TOP2B: variants seen among roughly 807,000 people sequenced by gnomAD.
The protein encoded by TOP2B is DNA topoisomerase 2-beta.
TOP2B carries 51 observed loss-of-function variants against 193.5 expected under a neutral mutation model. That is an observed-to-expected ratio of 0.26 (90% CI 0.21 to 0.33). The LOEUF (loss-of-function observed/expected upper bound fraction) is 0.33, where lower values mean the gene tolerates loss of function less well. Ranked by LOEUF, TOP2B falls within the 10% of genes least tolerant of loss-of-function variation. The probability of loss-of-function intolerance (pLI) is 1.00; values close to 1 mark genes in which losing one functional copy is unlikely to be tolerated. For synonymous variants in TOP2B, 634 were observed against 635.7 expected (o/e 1.00, Z 0.04); for missense variants, 1,378 against 1,909.3 (o/e 0.72, Z 5.19).
At chr3:25,652,271 ACAGAAGAT>A (rs1703613882) in intron 1 of TOP2B, among the ~76,000 whole-genome samples, 1 of 152,216 alleles carries the variant, frequency 6.6e-6, no homozygotes, top group South Asian at 2.1e-4. Flanking sequence ...GAACAACCAC[ACAGAAGAT>A]CAATAAAGAC....
chr3:25,654,980 T>G (rs561957714), intron 1 of TOP2B, among the ~76,000 whole-genome samples: 2 of 152,238 alleles, frequency 1.3e-5, no homozygotes, highest in South Asian at 4.1e-4. Context: ...GGAAAACCTT[T>G]GAGACACTGG....
In TOP2B at chr3:25,628,166, T is replaced by G. The variant is rs373471838; in HGVS notation, c.1906+681A>C. 6.8e-3 allele frequency among the ~76,000 whole-genome samples: 966 copies of G among 142,352 alleles called. 14 individuals are homozygous for G. Among genetic ancestry groups the G allele is most frequent in the African/African-American group, 0.022 (859 of 38,320 alleles). 93.4% of individuals were successfully genotyped at this position (142,352 alleles called of 152,430 possible). A position where few individuals can be genotyped will look rare whatever the true frequency, so the allele number is the denominator to read the frequency against. On this transcript the variant is annotated intron_variant, in intron 15 of 35. Coordinates refer to ENST00000264331, the MANE Select transcript of TOP2B (RefSeq NM_001330700.2). ...TTTAACACTGGCTGGGTATTTAACA[T>G]TATTTAAAAAAAAAAAAAAAAAAAG...
In TOP2B at chr3:25,641,823, C is replaced by T. The variant is rs1474216812; in HGVS notation, c.395+499G>A. Among the ~76,000 whole-genome samples, 4 of 152,018 alleles carry T rather than the reference C, an allele frequency of 2.6e-5. No homozygotes were observed. In the East Asian group the frequency reaches 7.7e-4, roughly 29 times the overall value. ...CAGGATAAATTTAACAGCTATGTTTCTGATTTAATGCTACTATTTTTTATA... is the reference window on the plus strand; with the variant it reads ...CAGGATAAATTTAACAGCTATGTTTTTGATTTAATGCTACTATTTTTTATA... On this transcript the variant is annotated intron_variant, in intron 4 of 35. Coordinates refer to ENST00000264331, the MANE Select transcript of TOP2B (RefSeq NM_001330700.2).
chr3:25,650,824 T>C (rs1305902895), intron 1 of TOP2B, among the ~76,000 whole-genome samples: 1 of 152,256 alleles, frequency 6.6e-6, no homozygotes, highest in African/African-American at 2.4e-5. Context: ...TGCTCATTTA[T>C]TTGAGGCATT....
chr3:25,624,113 C>A (rs1702734546), intron 20 of TOP2B, among the ~76,000 whole-genome samples, 184 bp downstream of exon 20: 1 of 152,162 alleles, frequency 6.6e-6, no homozygotes, highest in Admixed American at 6.5e-5. Context: ...ATTTCACCAA[C>A]AATTCATAAA....
intron 22 of TOP2B, among the ~76,000 whole-genome samples, chr3:25,620,448 A>T (rs1702630260): frequency 6.6e-6 from 1 of 152,212 alleles, no homozygotes. Flanking sequence ...ATTTTAAATA[A>T]ATACAAAGAT....
At position 25,609,294 on chromosome 3, in the gene TOP2B, T is replaced by C; in HGVS notation, c.3982A>G (p.Lys1328Glu). ...GACCAAGGATTCCGTTTCTTCACTT[T>C]CTTTGCACTAGGTTTACCAGATGAT... ...PTSSGKPSAK[K>E]VKKRNPWSDD... Residue 1328 changes from lysine (K) to glutamate (E), a missense_variant, in exon 30 of 36, where the codon AAA becomes GAA. Coordinates refer to ENST00000264331, the MANE Select transcript of TOP2B (RefSeq NM_001330700.2). 1 of 1,600,420 alleles carries C rather than the reference T, an allele frequency of 6.2e-7. No individual in the cohort carries two copies. Among genetic ancestry groups the C allele is most frequent in the South Asian group, 1.1e-5 (1 of 89,100 alleles).
intron 1 of TOP2B, among the ~76,000 whole-genome samples, chr3:25,657,636 T>G (rs1703782682): frequency 6.6e-6 from 1 of 152,126 alleles, no homozygotes; most frequent in South Asian, 2.1e-4. Context: ...TATACTCACT[T>G]TAGACCCAGA....
intron 33 of TOP2B, among the ~76,000 whole-genome samples, chr3:25,603,811 G>A (rs1297081385): frequency 6.6e-6 from 1 of 152,204 alleles, no homozygotes; most frequent in East Asian, 1.9e-4. Flanking sequence ...GCTCACATGA[G>A]AGGCAAGGAC....
intron 7 of TOP2B, among the ~76,000 whole-genome samples, chr3:25,635,723 G>A (rs1050451557): frequency 6.6e-6 from 1 of 151,890 alleles, no homozygotes; most frequent in Non-Finnish European, 1.5e-5. Flanking sequence ...ATCAAATAAT[G>A]TAACATATAT....
Position 25,618,913 on chromosome 3 carries a change from C to T in TOP2B, c.3064-64G>A, listed in dbSNP as rs879906365. 4 of 1,203,922 alleles carry T rather than the reference C, an allele frequency of 3.3e-6. 1 individual carries two copies. In the South Asian group the frequency reaches 7.1e-5, roughly 22 times the overall value. The allele number at this position is 1,203,922 out of a possible 1,614,324, so 74.6% of individuals were successfully genotyped here. On this transcript the variant is annotated intron_variant, in intron 23 of 35. Coordinates refer to ENST00000264331, the MANE Select transcript of TOP2B (RefSeq NM_001330700.2). Reference sequence around the variant, plus strand: ...TGTACTGGTATTTTAACTTATATAACATCTACAATACTTAAAATAACCATA... The same window carrying T: ...TGTACTGGTATTTTAACTTATATAATATCTACAATACTTAAAATAACCATA...
rs1559491859 is a variant in TOP2B at position 25,607,110 on chromosome 3, A to G, written c.4298+61T>C. 5 of 1,576,420 alleles carry G rather than the reference A, an allele frequency of 3.2e-6. No homozygotes were observed. In the South Asian group the frequency reaches 3.6e-5, roughly 11 times the overall value. ...CAATTTCTTAGAAGAGCTCACTATA[A>G]TATCTTTGGCAAATGTTTACAACAA... On this transcript the variant is annotated intron_variant, in intron 31 of 35. Transcript: ENST00000264331.
At position 25,620,013 on chromosome 3, in the gene TOP2B, G is replaced by A. The variant is rs768684309; in HGVS notation, c.2912C>T (p.Thr971Ile). 3.2e-6 allele frequency: 5 copies of A among 1,583,836 alleles called. No individual in the cohort carries two copies. The highest frequency in any genetic ancestry group is 3.4e-6 in the Non-Finnish European group (4 of 1,160,162). Residue 971 changes from threonine (T) to isoleucine (I), a missense_variant, in exon 23 of 36, where the codon ACA (threonine) becomes ATA (isoleucine). Around this residue, in one of 9 missense-constraint regions of TOP2B, gnomAD observed 379 missense variants for 615.1 expected, o/e 0.62. Transcript: ENST00000264331. ...TTTATAATCAGAAATTAATGCTGGT[G>A]TTTTATCTGTTCCATTTAGCATAGG... ...LEPMLNGTDK[T>I]PALISDYKEY...
At position 25,615,559 on chromosome 3, in the gene TOP2B, G is replaced by A; in HGVS notation, c.3379C>T (p.Gln1127Ter). The A allele has an allele frequency of 6.4e-7, 1 of 1,564,550 alleles. No individual in the cohort carries two copies. The highest frequency in any genetic ancestry group is 8.7e-7 in the Non-Finnish European group (1 of 1,155,752). Residue 1127 changes from glutamine to a stop codon, truncating the protein, a stop_gained, in exon 26 of 36, where the codon CAG becomes TAG. Transcript: ENST00000264331. LOFTEE classifies it high-confidence loss of function. ...KAAEEDETQN[Q>*]HDDSSSDSGT... The stretch of plus-strand genomic sequence containing the variant: ...GAATCGGAGGAACTATCATCATGCT[G>A]GTTTTGTGTTTCATCCTCTTCTGCT...
intron 1 of TOP2B, among the ~76,000 whole-genome samples, chr3:25,652,811 A>G (rs1305436519): frequency 6.6e-6 from 1 of 152,158 alleles, no homozygotes; most frequent in African/African-American, 2.4e-5. Flanking sequence ...AAGATAAATA[A>G]AATAGAGAAT....
At chr3:25,644,576 C>T (rs992700140) in intron 2 of TOP2B, among the ~76,000 whole-genome samples, 9 of 151,468 alleles carry the variant, frequency 5.9e-5, no homozygotes, top group African/African-American at 2.2e-4. Context: ...TGGCGCATGC[C>T]TGTAATCCCA....
At chr3:25,627,356 A>T (rs1702830638) in intron 15 of TOP2B, 60 bp from the exon 16 acceptor site, 2 of 1,130,840 alleles carry the variant, frequency 1.8e-6, no homozygotes, top group South Asian at 3.3e-5. Flanking sequence ...AAAACCATCA[A>T]GTAAAAAGCT....
chr3:25,647,383 G>A (rs972816966), intron 1 of TOP2B, among the ~76,000 whole-genome samples: 6 of 152,166 alleles, frequency 3.9e-5, no homozygotes, highest in Admixed American at 6.5e-5. Context: ...CTATGGAATC[G>A]AAAGTAGGTA....
chr3:25,618,945 A>G, intron 23 of TOP2B, 96 bp from the exon 24 acceptor site: 1 of 923,790 alleles, frequency 1.1e-6, no homozygotes, highest in Non-Finnish European at 1.6e-6. Flanking sequence ...CATAATATAT[A>G]ACCATAATGC....
Sources: allele counts gnomAD v4.1 joint callset (sites outside exome capture counted in the v4.1 genomes callset), GRCh38; gene constraint gnomAD v4.1.1; regional missense constraint gnomAD v4.1.1; transcripts MANE v1.5; gene names NCBI Gene and HGNC (gene_info 2026-07-23, HGNC 2026-07-21).